Variants in MAGI2 observed in about 807,000 individuals in gnomAD.
MAGI2 encodes membrane associated guanylate kinase, WW and PDZ domain containing 2, also known as membrane-associated guanylate kinase, WW and PDZ domain-containing protein 2.
MAGI2 carries 35 observed loss-of-function variants against 133.3 expected under a neutral mutation model. That is an observed-to-expected ratio of 0.26 (90% confidence interval 0.20 to 0.35). MAGI2 has a LOEUF of 0.35. Among genes scored for constraint, MAGI2 ranks in the 10% least tolerant of loss-of-function variants. The pLI is 1.00. For synonymous variants in MAGI2, 729 were observed against 710.6 expected, an observed-to-expected ratio of 1.03 and a Z score of -0.41; for missense variants, 1,636 against 1,863.4, an observed-to-expected ratio of 0.88 and a Z score of 2.25.
At chr7:78,840,713 C>T (rs1172353182) in intron 2 of MAGI2, among the ~76,000 whole-genome samples, 1 of 151,908 alleles carries the variant, frequency 6.6e-6, no homozygotes, top group Non-Finnish European at 1.5e-5. Context: ...AGAGCTGAGG[C>T]TTGTCAGCAT....
At chr7:78,658,129 T>C (rs150698253) in intron 2 of MAGI2, among the ~76,000 whole-genome samples, 2 of 152,328 alleles carry the variant, frequency 1.3e-5, no homozygotes, top group African/African-American at 4.8e-5. Flanking sequence ...GGTAATCTTT[T>C]CAGGAGTTTT....
intron 2 of MAGI2, among the ~76,000 whole-genome samples, chr7:78,804,748 CA>C (rs373472835): frequency 0.018 from 1,769 of 97,464 alleles, 8 homozygotes; most frequent in African/African-American, 0.08. Flanking sequence ...GACTCTGTCT[CA>C]AAAAAAAAAA....
chr7:78,250,394 A>T (rs1486806237), intron 10 of MAGI2, among the ~76,000 whole-genome samples: 1 of 152,114 alleles, frequency 6.6e-6, no homozygotes, highest in Non-Finnish European at 1.5e-5. Flanking sequence ...TAGCTAAAGA[A>T]GTAGTTGGAG....
At chr7:79,060,380 T>C (rs1040941561) in intron 1 of MAGI2, among the ~76,000 whole-genome samples, 1 of 152,090 alleles carries the variant, frequency 6.6e-6, no homozygotes, top group Non-Finnish European at 1.5e-5. Flanking sequence ...GGTGTAATTA[T>C]GTAAATGTAA....
chr7:78,019,823 T>TCC lies in MAGI2; in HGVS notation c.3858_3859dup (p.Asp1287GlyfsTer188). ...CCTAACGTCGTGTTCCCGTTTGATA[T>TCC]CCCAAGTTGGGCCTGGGCTTATCTG... On this transcript the variant is annotated frameshift_variant, in exon 22 of 22. Transcript: ENST00000354212. LOFTEE classifies it high-confidence loss of function. 1 of 1,613,486 alleles carries TCC rather than the reference T, an allele frequency of 6.2e-7. No homozygotes were observed. Among genetic ancestry groups the TCC allele is most frequent in the Non-Finnish European group, 8.5e-7 (1 of 1,179,898 alleles).
intron 1 of MAGI2, among the ~76,000 whole-genome samples, chr7:79,206,199 G>A (rs1243083712): frequency 2.0e-5 from 3 of 147,038 alleles, no homozygotes; most frequent in African/African-American, 5.2e-5. Flanking sequence ...CCAAGCCAAA[G>A]TTAGTAAAAA....
At chr7:78,920,073 G>A (rs755177662) in intron 2 of MAGI2, among the ~76,000 whole-genome samples, 1 of 152,040 alleles carries the variant, frequency 6.6e-6, no homozygotes, top group Non-Finnish European at 1.5e-5. Flanking sequence ...ATCAAATTCA[G>A]AATTCAGCCT....
chr7:78,531,978 T>C (rs147294626), intron 3 of MAGI2, among the ~76,000 whole-genome samples: 9 of 152,180 alleles, frequency 5.9e-5, no homozygotes, highest in Non-Finnish European at 1.0e-4. Context: ...AAAAGAAATT[T>C]CATTTCTCCT....
chr7:78,725,236 A>G (rs1438738955), intron 2 of MAGI2, among the ~76,000 whole-genome samples: 2 of 152,234 alleles, frequency 1.3e-5, no homozygotes, highest in African/African-American at 2.4e-5. Context: ...AAGTTAATCT[A>G]TAAGTGAATC....
At chr7:78,878,899 G>A (rs1386988401) in intron 2 of MAGI2, among the ~76,000 whole-genome samples, 1 of 152,080 alleles carries the variant, frequency 6.6e-6, no homozygotes, top group Non-Finnish European at 1.5e-5. Context: ...CCATGCCATG[G>A]CCAGGCTGAT....
intron 1 of MAGI2, among the ~76,000 whole-genome samples, chr7:79,364,887 T>A (rs1293893823): frequency 6.7e-6 from 1 of 148,692 alleles, no homozygotes; most frequent in Non-Finnish European, 1.5e-5. Context: ...CATAAAAAAA[T>A]TAATTAGACC....
intron 2 of MAGI2, among the ~76,000 whole-genome samples, chr7:78,683,122 T>C (rs1457370412): frequency 7.2e-5 from 11 of 152,082 alleles, no homozygotes; most frequent in Non-Finnish European, 1.3e-4. Flanking sequence ...GGTGATAAAG[T>C]TGGTTGTGAA....
rs3050633 is a variant in MAGI2, at chr7:79,387,094, TTGTGTGTGTGTG to T, written c.301+65914_301+65925del. Reference sequence around the variant, plus strand: ...AGAGATGGCTCACAAATTTTTATGCTTGTGTGTGTGTGTGTGTGTGTGTGTGTGTGTGTGTTA... The same window carrying T: ...AGAGATGGCTCACAAATTTTTATGCTTGTGTGTGTGTGTGTGTGTGTGTTA... On this transcript the variant is annotated intron_variant, in intron 1 of 21. Coordinates refer to ENST00000354212, the MANE Select transcript of MAGI2 (RefSeq NM_012301.4). 7.8e-5 allele frequency among the ~76,000 whole-genome samples: 11 copies of T among 141,506 alleles called. 1 individual carries two copies. The highest frequency in any genetic ancestry group is 2.3e-4 in the South Asian group (1 of 4,388). The allele number at this position is 141,506 out of a possible 152,430, so 92.8% of individuals were successfully genotyped here.
chr7:79,190,258 T>A (rs1827535312), intron 1 of MAGI2, among the ~76,000 whole-genome samples: 1 of 151,912 alleles, frequency 6.6e-6, no homozygotes, highest in Non-Finnish European at 1.5e-5. Flanking sequence ...TGGATGAGAA[T>A]TTCTGTTGCT....
At chr7:78,506,740 C>T (rs62467122) in intron 4 of MAGI2, among the ~76,000 whole-genome samples, 8,574 of 152,192 alleles carry the variant, frequency 0.056, 284 homozygotes, top group Middle Eastern at 0.15. Flanking sequence ...CTGCCAGTTA[C>T]GGCAGTATTT....
At chr7:78,559,113 T>A (rs1445580450) in intron 3 of MAGI2, among the ~76,000 whole-genome samples, 1 of 115,236 alleles carries the variant, frequency 8.7e-6, no homozygotes, top group East Asian at 2.8e-4. Flanking sequence ...ACTCTACTTT[T>A]AGGAGCTTGC....
intron 1 of MAGI2, among the ~76,000 whole-genome samples, chr7:79,122,747 C>G (rs561589088): frequency 6.6e-6 from 1 of 151,592 alleles, no homozygotes; most frequent in African/African-American, 2.4e-5. Context: ...TGAGTTCAAG[C>G]GATTCTTCCA....
intron 3 of MAGI2, among the ~76,000 whole-genome samples, chr7:78,559,232 T>C (rs2150732685): frequency 6.7e-6 from 1 of 148,180 alleles, no homozygotes; most frequent in Middle Eastern, 3.6e-3. Context: ...AAGAAATTCC[T>C]TTCAGGTTTT....
intron 2 of MAGI2, among the ~76,000 whole-genome samples, chr7:78,893,313 T>C (rs574634203): frequency 1.3e-5 from 2 of 152,322 alleles, no homozygotes; most frequent in South Asian, 4.1e-4. Flanking sequence ...ATTGTGGAAG[T>C]TGGTGTGGGA....
Sources: allele counts gnomAD v4.1 joint callset (sites outside exome capture counted in the v4.1 genomes callset), GRCh38; gene constraint gnomAD v4.1.1; transcripts MANE v1.5; gene names NCBI Gene and HGNC (gene_info 2026-07-23, HGNC 2026-07-21).